Variants in ZYG11A observed in about 807,000 individuals in gnomAD.
The protein encoded by ZYG11A is zyg-11 family member A, cell cycle regulator, also known as protein zyg-11 homolog A.
ZYG11A carries 62 observed loss-of-function variants against 77.2 expected under a neutral mutation model. The ratio of observed to expected loss-of-function variants is 0.80; its 90% CI spans 0.65 to 0.99. The LOEUF (loss-of-function observed/expected upper bound fraction) is 0.99. ZYG11A is among the 50% of genes least tolerant of loss of function. The probability of loss-of-function intolerance (pLI) is 0.00; values close to 1 mark genes in which losing one functional copy is unlikely to be tolerated. For missense variants in ZYG11A, 828 were observed against 896.8 expected (o/e 0.92, Z 0.98); for synonymous variants, 315 against 324.6 (o/e 0.97, Z 0.32).
At chr1:52,871,219 G>A (rs1204798683) in intron 8 of ZYG11A, among the ~76,000 whole-genome samples, 2 of 152,088 alleles carry the variant, frequency 1.3e-5, no homozygotes, top group East Asian at 3.9e-4. Context: ...ATGGTTCATT[G>A]CAGCTTCATC....
chr1:52,866,664 G>A, intron 6 of ZYG11A, 97 bp downstream of exon 6: 2 of 696,266 alleles, frequency 2.9e-6, no homozygotes, highest in Non-Finnish European at 4.9e-6. Flanking sequence ...TGGAGAGAAG[G>A]TTCTGTTGAG....
At chr1:52,882,708 T>C (rs1646382158) in intron 11 of ZYG11A, among the ~76,000 whole-genome samples, 1 of 152,240 alleles carries the variant, frequency 6.6e-6, no homozygotes, top group Non-Finnish European at 1.5e-5. Context: ...GTTTGCTTCA[T>C]TGTCTTTTAC....
At chr1:52,856,887 A>T (rs1645822590) in intron 2 of ZYG11A, 111 bp from the exon 3 acceptor site, 8 of 1,148,150 alleles carry the variant, frequency 7.0e-6, no homozygotes, top group Non-Finnish European at 4.8e-6. Flanking sequence ...AGAGCAGTAA[A>T]TGTTGTCATT....
At chr1:52,870,634 G>A (rs1475407741) in intron 8 of ZYG11A, among the ~76,000 whole-genome samples, 3 of 152,208 alleles carry the variant, frequency 2.0e-5, no homozygotes, top group Admixed American at 1.3e-4. Context: ...CGAGGCTGGC[G>A]GATCACTCGC....
At chr1:52,883,970 C>G (rs1040402003) in intron 11 of ZYG11A, among the ~76,000 whole-genome samples, 21 of 151,968 alleles carry the variant, frequency 1.4e-4, no homozygotes, top group Non-Finnish European at 3.1e-4. Context: ...GCCTCTGCCT[C>G]CTGGGTTCAA....
At chr1:52,862,834 A>T (rs1480363021) in intron 4 of ZYG11A, among the ~76,000 whole-genome samples, 1 of 152,122 alleles carries the variant, frequency 6.6e-6, no homozygotes, top group Non-Finnish European at 1.5e-5. Context: ...GCTGGAGTGC[A>T]GTGGCATGAT....
chr1:52,848,363 C>T (rs1571830051), intron 1 of ZYG11A, among the ~76,000 whole-genome samples: 1 of 152,094 alleles, frequency 6.6e-6, no homozygotes, highest in Non-Finnish European at 1.5e-5. Flanking sequence ...GTGTCCACTC[C>T]CCCGTCATAA....
At chr1:52,868,362 G>C (rs953424363) in intron 8 of ZYG11A, among the ~76,000 whole-genome samples, 2 of 152,130 alleles carry the variant, frequency 1.3e-5, no homozygotes, top group African/African-American at 4.8e-5. Context: ...TAAGAACTTA[G>C]CTCTCCTACG....
intron 12 of ZYG11A, 61 bp downstream of exon 12, chr1:52,885,955 CAG>C (rs2150021614): frequency 3.8e-6 from 5 of 1,329,736 alleles, no homozygotes; most frequent in Non-Finnish European, 5.1e-6. Flanking sequence ...ATTTTTGAGA[CAG>C]AGTCTTGCTC....
At chr1:52,851,043 A>T (rs13376635) in intron 1 of ZYG11A, among the ~76,000 whole-genome samples, 1,958 of 149,170 alleles carry the variant, frequency 0.013, 25 homozygotes, top group African/African-American at 0.03. Flanking sequence ...GAGACTTAAA[A>T]TTTTTTTTTT....
At chr1:52,882,871 G>A (rs987929753) in intron 11 of ZYG11A, among the ~76,000 whole-genome samples, 6 of 151,442 alleles carry the variant, frequency 4.0e-5, no homozygotes, top group Non-Finnish European at 2.9e-5. Context: ...TTTCTTCTTT[G>A]TGGGTTTATT....
chr1:52,843,061 G>T (rs922282364), intron 1 of ZYG11A, 88 bp downstream of exon 1: 88 of 1,195,054 alleles, frequency 7.4e-5, no homozygotes, highest in Middle Eastern at 2.5e-4. Flanking sequence ...ACGCTGCCGA[G>T]GCACTTGCTG....
intron 8 of ZYG11A, among the ~76,000 whole-genome samples, chr1:52,870,726 C>A (rs370295069): frequency 6.6e-6 from 1 of 152,150 alleles, no homozygotes; most frequent in Non-Finnish European, 1.5e-5. Context: ...TCAGGCGTGA[C>A]GGCGCGCGCC....
intron 1 of ZYG11A, among the ~76,000 whole-genome samples, chr1:52,847,302 T>A (rs1645608239): frequency 6.6e-6 from 1 of 152,056 alleles, no homozygotes; most frequent in Non-Finnish European, 1.5e-5. Flanking sequence ...CCTGACCTTG[T>A]GATCCACCCA....
chr1:52,878,644 A>G (rs1646304036), intron 10 of ZYG11A, among the ~76,000 whole-genome samples: 2 of 152,172 alleles, frequency 1.3e-5, no homozygotes, highest in African/African-American at 4.8e-5. Context: ...TATCCTAATT[A>G]GAACTCAAAC....
intron 1 of ZYG11A, among the ~76,000 whole-genome samples, chr1:52,843,589 C>T (rs1178577826): frequency 6.6e-6 from 1 of 152,306 alleles, no homozygotes; most frequent in African/African-American, 2.4e-5. Flanking sequence ...CAGCCTTTGC[C>T]GAATGCCTGT....
In ZYG11A at chr1:52,842,792, C is replaced by A. The variant is rs1038237240; in HGVS notation, c.-92C>A. On this transcript the variant is annotated 5_prime_UTR_variant, in exon 1 of 14. Coordinates refer to ENST00000371528, the MANE Select transcript of ZYG11A (RefSeq NM_001004339.3). ...CCGTGTGCCTCGCAGGCGTGGTGGGCGCGTCCTGGCAGCCGCCCGCTTGGT... is the reference window on the plus strand; with the variant it reads ...CCGTGTGCCTCGCAGGCGTGGTGGGAGCGTCCTGGCAGCCGCCCGCTTGGT... 1.6e-6 allele frequency: 2 copies of A among 1,240,408 alleles called. No individual in the cohort carries two copies. Among genetic ancestry groups the A allele is most frequent in the African/African-American group, 1.6e-5 (1 of 62,764 alleles). The allele number at this position is 1,240,408 out of a possible 1,614,324, so 76.8% of individuals were successfully genotyped here. A position where few individuals can be genotyped will look rare whatever the true frequency, so the allele number is the denominator to read the frequency against.
chr1:52,849,251 G>A (rs905232939), intron 1 of ZYG11A, among the ~76,000 whole-genome samples: 1 of 151,840 alleles, frequency 6.6e-6, no homozygotes, highest in African/African-American at 2.4e-5. Flanking sequence ...TGTATTTTTA[G>A]TAGAGATGGG....
rs952756825 is a variant in ZYG11A, at chr1:52,885,705, G to A, written c.1945-128G>A. 8 of 653,410 alleles carry A rather than the reference G, an allele frequency of 1.2e-5. No individual in the cohort carries two copies. The East Asian group carries it at 1.4e-4, about 11-fold the overall frequency. 40.5% of individuals were successfully genotyped at this position (653,410 alleles called of 1,614,324 possible). Reference sequence around the variant, plus strand: ...GTTAAGATATTGTGTGTATATAATCGTTATGTGATTGATATTTTGCCAAGT... The same window carrying A: ...GTTAAGATATTGTGTGTATATAATCATTATGTGATTGATATTTTGCCAAGT... On this transcript the variant is annotated intron_variant, in intron 11 of 13. Transcript: ENST00000371528.
Sources: allele counts gnomAD v4.1 joint callset (sites outside exome capture counted in the v4.1 genomes callset), GRCh38; gene constraint gnomAD v4.1.1; transcripts MANE v1.5; gene names NCBI Gene and HGNC (gene_info 2026-07-23, HGNC 2026-07-21).